RBPMS: variants seen among roughly 807,000 people sequenced by gnomAD.
RBPMS encodes RNA-binding protein with multiple splicing.
Under a neutral mutation model 26.8 loss-of-function variants are expected in RBPMS, and 7 were observed. That is an observed-to-expected ratio of 0.26 (90% confidence interval 0.15 to 0.49). The LOEUF is 0.49. Ranked by LOEUF, RBPMS falls within the 20% of genes least tolerant of loss-of-function variation. The pLI, the probability that RBPMS is intolerant of heterozygous loss-of-function variation, is 0.98. For synonymous variants in RBPMS, 96 were observed against 93.3 expected (o/e 1.03, Z -0.17); for missense variants, 186 against 250.0 (o/e 0.74, Z 1.73).
chr8:30,502,266 G>A (rs1470777409), intron 4 of RBPMS, among the ~76,000 whole-genome samples: 1 of 151,910 alleles, frequency 6.6e-6, no homozygotes, highest in Non-Finnish European at 1.5e-5. Flanking sequence ...ACTTAGTTCA[G>A]CATGTTTTAG....
intron 6 of RBPMS, chr8:30,555,878 A>C (rs1433884339): frequency 4.1e-6 from 4 of 985,422 alleles, no homozygotes; most frequent in Non-Finnish European, 4.8e-6. Context: ...CATTACCCCC[A>C]CACAGTGATT....
intron 4 of RBPMS, among the ~76,000 whole-genome samples, chr8:30,482,126 T>C (rs1818342545): frequency 6.6e-6 from 1 of 152,222 alleles, no homozygotes; most frequent in South Asian, 2.1e-4. Context: ...GTAATGTATT[T>C]AGTCATGAAG....
At chr8:30,531,914 G>A (rs956857009) in intron 5 of RBPMS, among the ~76,000 whole-genome samples, 1 of 152,194 alleles carries the variant, frequency 6.6e-6, no homozygotes, top group Non-Finnish European at 1.5e-5. Flanking sequence ...TGGAATGAAT[G>A]ATAAGGGAAT....
chr8:30,494,001 G>A (rs1165016303), intron 4 of RBPMS, among the ~76,000 whole-genome samples: 1 of 152,166 alleles, frequency 6.6e-6, no homozygotes, highest in Non-Finnish European at 1.5e-5. Context: ...GGGCTGGGGT[G>A]GATGGTCAAG....
At chr8:30,522,578 A>T (rs879815294) in intron 5 of RBPMS, among the ~76,000 whole-genome samples, 3 of 152,206 alleles carry the variant, frequency 2.0e-5, no homozygotes, top group Admixed American at 1.3e-4. Context: ...CAATTTAAAC[A>T]ATATATGTCA....
At chr8:30,530,996 T>A (rs1232269384) in intron 5 of RBPMS, among the ~76,000 whole-genome samples, 7 of 152,050 alleles carry the variant, frequency 4.6e-5, no homozygotes, top group East Asian at 1.9e-4. Context: ...ATATATATAT[T>A]TTTTCACTTG....
intron 5 of RBPMS, among the ~76,000 whole-genome samples, chr8:30,531,368 C>T (rs927043773): frequency 2.6e-5 from 4 of 152,118 alleles, no homozygotes; most frequent in African/African-American, 9.7e-5. Flanking sequence ...GACCCTCATG[C>T]CCAGATTTCC....
chr8:30,527,442 T>C (rs1017823070), intron 5 of RBPMS, among the ~76,000 whole-genome samples: 1 of 152,214 alleles, frequency 6.6e-6, no homozygotes, highest in African/African-American at 2.4e-5. Flanking sequence ...CTCATCTCTT[T>C]TCATAAATTC....
chr8:30,542,984 G>C (rs1825542043), intron 5 of RBPMS, among the ~76,000 whole-genome samples: 2 of 152,130 alleles, frequency 1.3e-5, no homozygotes, highest in Non-Finnish European at 2.9e-5. Context: ...TCCACTCTTA[G>C]GGGCTTATTT....
intron 8 of RBPMS, among the ~76,000 whole-genome samples, chr8:30,567,308 A>G (rs113063930): frequency 0.013 from 1,989 of 152,330 alleles, 52 homozygotes; most frequent in African/African-American, 0.044. Context: ...AGCAGGCATC[A>G]GGTGTGTGCC....
At chr8:30,449,341 C>T (rs1814259339) in intron 1 of RBPMS, among the ~76,000 whole-genome samples, 1 of 148,444 alleles carries the variant, frequency 6.7e-6, no homozygotes, top group Admixed American at 6.7e-5. Context: ...CCACCCAGCT[C>T]GATTGGATCC....
At chr8:30,385,714 T>C (rs1190359800) in intron 1 of RBPMS, among the ~76,000 whole-genome samples, 1 of 152,134 alleles carries the variant, frequency 6.6e-6, no homozygotes. Flanking sequence ...ACCCCGAGCC[T>C]GGGCGGTGAA....
chr8:30,562,804 G>A (rs886144431), intron 7 of RBPMS, among the ~76,000 whole-genome samples: 1 of 152,228 alleles, frequency 6.6e-6, no homozygotes, highest in Admixed American at 6.5e-5. Context: ...CAGAAGACGA[G>A]CAGGAGTGAT....
intron 4 of RBPMS, among the ~76,000 whole-genome samples, chr8:30,501,774 A>C (rs955842694): frequency 1.6e-4 from 25 of 152,218 alleles, no homozygotes; most frequent in Admixed American, 2.6e-4. Flanking sequence ...ACTTGGCAGT[A>C]ATCTTATCCT....
chr8:30,413,302 C>T (rs1176532693), intron 1 of RBPMS, among the ~76,000 whole-genome samples: 1 of 152,102 alleles, frequency 6.6e-6, no homozygotes, highest in Non-Finnish European at 1.5e-5. Flanking sequence ...AACTCCTGGC[C>T]TCAAGCAATC....
chr8:30,504,657 A>G (rs1431545952), intron 5 of RBPMS, among the ~76,000 whole-genome samples: 2 of 152,214 alleles, frequency 1.3e-5, no homozygotes, highest in Non-Finnish European at 2.9e-5. Flanking sequence ...CCATAACTTC[A>G]GAATATCATT....
intron 5 of RBPMS, among the ~76,000 whole-genome samples, chr8:30,532,905 G>T (rs1248950049): frequency 6.6e-6 from 1 of 152,090 alleles, no homozygotes; most frequent in Non-Finnish European, 1.5e-5. Flanking sequence ...CAGTTAAACA[G>T]GAATTACCTG....
chr8:30,504,743 T>G (rs1046005523), intron 5 of RBPMS, among the ~76,000 whole-genome samples: 8 of 152,222 alleles, frequency 5.3e-5, no homozygotes, highest in Non-Finnish European at 2.9e-5. Context: ...TATAAACCCT[T>G]CATTCCCCCC....
chr8:30,435,058 G>T (rs1316616940), intron 1 of RBPMS, among the ~76,000 whole-genome samples: 1 of 151,982 alleles, frequency 6.6e-6, no homozygotes, highest in African/African-American at 2.4e-5. Flanking sequence ...AATGCTTACA[G>T]GTTAAGCATC....
Sources: gnomAD v4.1 joint callset for allele counts (sites outside exome capture counted in the v4.1 genomes callset) on GRCh38, gnomAD v4.1.1 for gene constraint, MANE v1.5 for transcripts, NCBI Gene and HGNC (gene_info 2026-07-23, HGNC 2026-07-21) for gene names.